Variants in KAZN observed in about 807,000 individuals in gnomAD.
KAZN encodes the protein kazrin.
Under a neutral mutation model 87.4 loss-of-function variants are expected in KAZN, and 40 were observed. That is an observed-to-expected ratio of 0.46 (90% CI 0.36 to 0.60). The LOEUF is 0.60. Among genes scored for constraint, KAZN ranks in the 20% least tolerant of loss-of-function variants. The probability of loss-of-function intolerance (pLI) is 0.00; values close to 1 mark genes in which losing one functional copy is unlikely to be tolerated. For missense variants in KAZN, 898 were observed against 1,073.9 expected (o/e 0.84, Z 2.29); for synonymous variants, 466 against 458.3 (o/e 1.02, Z -0.22).
chr1:15,026,326 C>A (rs549081840), intron 2 of KAZN, among the ~76,000 whole-genome samples: 5 of 152,158 alleles, frequency 3.3e-5, no homozygotes, highest in African/African-American at 7.2e-5. Context: ...CAGGTGGAGA[C>A]GATCATGCAC....
intron 1 of KAZN, among the ~76,000 whole-genome samples, chr1:14,677,193 C>T (rs1640278639): frequency 6.6e-6 from 1 of 152,136 alleles, no homozygotes; most frequent in Non-Finnish European, 1.5e-5. Flanking sequence ...ATCAAGGTTA[C>T]AGGTTACAGG....
At chr1:14,843,886 C>T (rs112527927) in intron 1 of KAZN, among the ~76,000 whole-genome samples, 18 of 152,326 alleles carry the variant, frequency 1.2e-4, no homozygotes, top group Non-Finnish European at 2.2e-4. Flanking sequence ...GTCTTCCTCA[C>T]CAAAGCAACT....
intron 2 of KAZN, among the ~76,000 whole-genome samples, chr1:15,026,510 G>A (rs572022978): frequency 1.3e-5 from 2 of 152,198 alleles, no homozygotes; most frequent in African/African-American, 4.8e-5. Flanking sequence ...GGCTTAGAGC[G>A]GGGGAAAAAA....
chr1:14,499,363 C>T (rs191734038), intron 2 of KAZN, among the ~76,000 whole-genome samples: 2 of 152,202 alleles, frequency 1.3e-5, no homozygotes, highest in African/African-American at 4.8e-5. Context: ...TTCTCTCCCC[C>T]ACCCAAGTCT....
At chr1:14,893,004 G>A (rs1173760056) in intron 1 of KAZN, among the ~76,000 whole-genome samples, 1 of 152,228 alleles carries the variant, frequency 6.6e-6, no homozygotes, top group African/African-American at 2.4e-5. Context: ...AACAGAATTA[G>A]ACTGATTAGA....
chr1:14,555,586 G>A (rs934710058), intron 2 of KAZN, among the ~76,000 whole-genome samples: 2 of 152,058 alleles, frequency 1.3e-5, no homozygotes, highest in African/African-American at 4.8e-5. Flanking sequence ...TGCCGTGTAG[G>A]AAAGTTGTGG....
chr1:14,293,973 T>C (rs1301335552), intron 2 of KAZN, among the ~76,000 whole-genome samples: 1 of 152,142 alleles, frequency 6.6e-6, no homozygotes, highest in Non-Finnish European at 1.5e-5. Flanking sequence ...CCATGCATAC[T>C]CACTCTGCCT....
intron 1 of KAZN, among the ~76,000 whole-genome samples, chr1:13,901,466 G>T (rs1639248205): frequency 6.6e-6 from 1 of 152,230 alleles, no homozygotes; most frequent in South Asian, 2.1e-4. Flanking sequence ...CCACTTCTCA[G>T]AGATTCTATT....
At chr1:14,808,164 T>A (rs902637200) in intron 1 of KAZN, among the ~76,000 whole-genome samples, 1 of 152,136 alleles carries the variant, frequency 6.6e-6, no homozygotes, top group Admixed American at 6.6e-5. Context: ...GAGCATGAAA[T>A]TGCTGTGTGA....
chr1:14,434,198 A>G (rs1001444147), intron 2 of KAZN, among the ~76,000 whole-genome samples: 1 of 152,024 alleles, frequency 6.6e-6, no homozygotes, highest in African/African-American at 2.4e-5. Flanking sequence ...AGGCATTTGG[A>G]TTATTTCCAG....
chr1:13,981,460 C>T lies in KAZN; in HGVS notation c.91+87704C>T, dbSNP rs146123625. On this transcript the variant is annotated intron_variant, in intron 1 of 16. Transcript: ENST00000636203. ...TGGTCAAAGCAGTCATAACCCTGCC[C>T]AGATTCAATGAGGGGAATACTAGAC... Among the ~76,000 whole-genome samples the T allele has an allele frequency of 2.5e-3, 374 of 151,952 alleles. 2 individuals carry two copies. The highest frequency in any genetic ancestry group is 8.4e-3 in the African/African-American group (349 of 41,448).
intron 1 of KAZN, among the ~76,000 whole-genome samples, chr1:14,104,333 C>T (rs2101653179): frequency 6.6e-6 from 1 of 152,336 alleles, no homozygotes; most frequent in South Asian, 2.1e-4. Flanking sequence ...GTGCAAATAG[C>T]TTCTTAGCCA....
intron 2 of KAZN, among the ~76,000 whole-genome samples, chr1:15,000,493 G>C (rs1046816596): frequency 6.6e-6 from 1 of 151,802 alleles, no homozygotes; most frequent in African/African-American, 2.4e-5. Flanking sequence ...ATTCAAAGTA[G>C]GGCTGAGGAG....
chr1:14,446,912 T>A (rs1667013410), intron 2 of KAZN, among the ~76,000 whole-genome samples: 2 of 152,010 alleles, frequency 1.3e-5, no homozygotes, highest in South Asian at 2.1e-4. Flanking sequence ...TAAAAAAAAA[T>A]TCAACTTTTA....
At chr1:14,011,272 G>T (rs141188413) in intron 1 of KAZN, among the ~76,000 whole-genome samples, 2 of 152,070 alleles carry the variant, frequency 1.3e-5, no homozygotes, top group African/African-American at 4.8e-5. Context: ...GATTCGTTTC[G>T]CACTCTTTCT....
chr1:14,406,638 TA>T (rs928767915), intron 2 of KAZN, among the ~76,000 whole-genome samples: 1 of 152,120 alleles, frequency 6.6e-6, no homozygotes, highest in Non-Finnish European at 1.5e-5. Context: ...AAATCACCAC[TA>T]AAAAACGTAC....
intron 10 of KAZN, among the ~76,000 whole-genome samples, chr1:15,101,078 C>T (rs752649210): frequency 1.3e-5 from 2 of 152,166 alleles, no homozygotes; most frequent in African/African-American, 2.4e-5. Context: ...TTCTCACCCT[C>T]GCTGCGTCTG....
chr1:15,051,090 C>G (rs1216369099), intron 4 of KAZN, among the ~76,000 whole-genome samples: 1 of 152,258 alleles, frequency 6.6e-6, no homozygotes, highest in Admixed American at 6.5e-5. Flanking sequence ...CACAGGAGCA[C>G]CAGCCTTCCG....
At chr1:14,971,028 C>A (rs776112175) in intron 2 of KAZN, among the ~76,000 whole-genome samples, 6 of 152,178 alleles carry the variant, frequency 3.9e-5, no homozygotes, top group Admixed American at 6.5e-5. Context: ...AGTCATCAGT[C>A]CTCCCAACAA....
Sources: allele counts gnomAD v4.1 joint callset (sites outside exome capture counted in the v4.1 genomes callset), GRCh38; gene constraint gnomAD v4.1.1; transcripts MANE v1.5; gene names NCBI Gene and HGNC (gene_info 2026-07-23, HGNC 2026-07-21).